KLHL32: variants seen among roughly 807,000 people sequenced by gnomAD.
KLHL32 encodes kelch like family member 32, also known as kelch-like protein 32.
KLHL32 carries 35 observed loss-of-function variants against 64.8 expected under a neutral mutation model. That is an observed-to-expected ratio of 0.54 (90% CI 0.41 to 0.72). KLHL32 has a LOEUF of 0.72. Ranked by LOEUF, KLHL32 falls within the 30% of genes least tolerant of loss-of-function variation. The probability of loss-of-function intolerance (pLI) is 0.00; values close to 1 mark genes in which losing one functional copy is unlikely to be tolerated. For missense variants in KLHL32, 589 were observed against 768.5 expected, an observed-to-expected ratio of 0.77 and a Z score of 2.76; for synonymous variants, 259 against 281.0, an observed-to-expected ratio of 0.92 and a Z score of 0.78.
At chr6:97,023,995 T>C (rs1307577453) in intron 3 of KLHL32, among the ~76,000 whole-genome samples, 2 of 152,190 alleles carry the variant, frequency 1.3e-5, no homozygotes, top group African/African-American at 4.8e-5. Context: ...CATCCAGAGA[T>C]GAAAATGTGC....
At chr6:97,107,909 G>T (rs983076753) in intron 6 of KLHL32, among the ~76,000 whole-genome samples, 1 of 152,166 alleles carries the variant, frequency 6.6e-6, no homozygotes, top group African/African-American at 2.4e-5. Context: ...TGTGGGTCAG[G>T]TGCTGTTCTT....
upstream of KLHL32, among the ~76,000 whole-genome samples, chr6:96,924,300 T>G (rs912898146): frequency 5.9e-5 from 9 of 152,068 alleles, no homozygotes; most frequent in East Asian, 3.9e-4. Flanking sequence ...GAAAGGAGTC[T>G]GGGGGCGAGC....
At chr6:97,064,930 T>C (rs1789484763) in intron 5 of KLHL32, among the ~76,000 whole-genome samples, 1 of 152,146 alleles carries the variant, frequency 6.6e-6, no homozygotes, top group African/African-American at 2.4e-5. Context: ...AGCAGGAGTC[T>C]TCCTCCACTG....
chr6:96,973,132 T>G (rs1775290457), intron 2 of KLHL32, among the ~76,000 whole-genome samples: 1 of 152,206 alleles, frequency 6.6e-6, no homozygotes. Context: ...GTCTTAAATA[T>G]TTAGCTTGTT....
At chr6:97,036,270 T>A (rs956028460) in intron 3 of KLHL32, among the ~76,000 whole-genome samples, 8 of 152,242 alleles carry the variant, frequency 5.3e-5, no homozygotes, top group Admixed American at 1.3e-4. Context: ...CTTTTGTTTA[T>A]GTATTACTTT....
At chr6:97,017,914 GATC>G (rs1423782879) in intron 3 of KLHL32, among the ~76,000 whole-genome samples, 17 of 152,164 alleles carry the variant, frequency 1.1e-4, no homozygotes, top group African/African-American at 4.1e-4. Flanking sequence ...GGCCCCAAGT[GATC>G]ATGTGGATGA....
chr6:97,006,918 A>T (rs1316332017), intron 3 of KLHL32, among the ~76,000 whole-genome samples: 1 of 152,068 alleles, frequency 6.6e-6, no homozygotes, highest in Non-Finnish European at 1.5e-5. Context: ...AGATGCTTTT[A>T]AGAGTTTTTC....
intron 3 of KLHL32, chr6:96,999,446 A>G: frequency 3.4e-6 from 2 of 590,402 alleles, no homozygotes; most frequent in Non-Finnish European, 4.3e-6. Flanking sequence ...GAATTTTGAT[A>G]TCAAAAACAT....
At chr6:97,084,796 C>A (rs1055366398) in intron 5 of KLHL32, among the ~76,000 whole-genome samples, 1 of 152,098 alleles carries the variant, frequency 6.6e-6, no homozygotes, top group Non-Finnish European at 1.5e-5. Context: ...GTAGAAAAAG[C>A]AATTGCCCTC....
intron 3 of KLHL32, among the ~76,000 whole-genome samples, chr6:96,995,758 A>G (rs531706402): frequency 6.6e-6 from 1 of 152,348 alleles, no homozygotes; most frequent in African/African-American, 2.4e-5. Context: ...GATGTCTCTC[A>G]TGAAGCCCTA....
chr6:97,127,914 G>T (rs1398206273), intron 8 of KLHL32, among the ~76,000 whole-genome samples: 1 of 152,170 alleles, frequency 6.6e-6, no homozygotes, highest in African/African-American at 2.4e-5. Flanking sequence ...TCATCTAACA[G>T]CTGGGGGTTG....
intron 3 of KLHL32, among the ~76,000 whole-genome samples, chr6:96,979,733 G>A (rs1274035134): frequency 6.6e-6 from 1 of 152,242 alleles, no homozygotes; most frequent in East Asian, 1.9e-4. Flanking sequence ...AACATTGAAT[G>A]TGTACATTGC....
intron 3 of KLHL32, among the ~76,000 whole-genome samples, chr6:96,985,901 T>A (rs1776990575): frequency 2.0e-5 from 3 of 152,238 alleles, no homozygotes; most frequent in Non-Finnish European, 4.4e-5. Flanking sequence ...TCCAGCTTTG[T>A]TCCATTGCTG....
chr6:97,067,328 T>G (rs150893611), intron 5 of KLHL32, among the ~76,000 whole-genome samples: 154 of 152,340 alleles, frequency 1.0e-3, no homozygotes, highest in African/African-American at 3.5e-3. Flanking sequence ...GCAGTGCTCC[T>G]CTGTGTCAAT....
chr6:97,019,761 G>A (rs995989414), intron 3 of KLHL32, among the ~76,000 whole-genome samples: 5 of 151,886 alleles, frequency 3.3e-5, no homozygotes, highest in Non-Finnish European at 2.9e-5. Flanking sequence ...AGACATTCAT[G>A]AAACAGCAAA....
intron 5 of KLHL32, among the ~76,000 whole-genome samples, chr6:97,076,474 A>T (rs992527592): frequency 4.6e-5 from 7 of 152,180 alleles, no homozygotes; most frequent in Admixed American, 4.6e-4. Flanking sequence ...AGAAAATTAG[A>T]CTTGAAAAGA....
intron 1 of KLHL32, among the ~76,000 whole-genome samples, chr6:96,930,597 G>T (rs1769742151): frequency 6.6e-6 from 1 of 151,778 alleles, no homozygotes; most frequent in Non-Finnish European, 1.5e-5. Context: ...CAAAATGATG[G>T]TGGAATTCAT....
intron 1 of KLHL32, among the ~76,000 whole-genome samples, chr6:96,954,312 A>ATTTTTTTTTTTTTTTTTTTTTTTTTTATT (rs71012579): frequency 1.1e-5 from 1 of 89,434 alleles, no homozygotes; most frequent in Non-Finnish European, 2.1e-5. Flanking sequence ...CTTTCCTTCA[A>ATTTTTTTTTTTTTTTTTTTTTTTTTTATT]TTTTTTTTTT....
Position 97,019,002 on chromosome 6 carries a change from A to G in KLHL32, c.205-22490A>G, listed in dbSNP as rs182330345. Among the ~76,000 whole-genome samples the G allele has an allele frequency of 3.2e-3, 485 of 152,318 alleles. 3 individuals carry two copies. The highest frequency in any genetic ancestry group is 0.011 in the African/African-American group (474 of 41,578). On this transcript the variant is annotated intron_variant, in intron 3 of 10. Transcript: ENST00000369261. ...CAGCACACATGAAACAATTACAAAA[A>G]TGATAGTTAAGTAGGTTGTTCTGAT...
Sources: gnomAD v4.1 joint callset for allele counts (sites outside exome capture counted in the v4.1 genomes callset) on GRCh38, gnomAD v4.1.1 for gene constraint, MANE v1.5 for transcripts, NCBI Gene and HGNC (gene_info 2026-07-23, HGNC 2026-07-21) for gene names.